Variants in PML observed in about 807,000 individuals in gnomAD.
PML encodes the protein protein PML.
Under a neutral mutation model 65.2 loss-of-function variants are expected in PML, and 28 were observed. The observed-to-expected ratio is 0.43, with a 90% CI of 0.32 to 0.59. PML has a LOEUF of 0.59. PML is among the 20% of genes least tolerant of loss of function. PML has a pLI of 0.08. For synonymous variants in PML, 500 were observed against 508.8 expected (o/e 0.98, Z 0.23); for missense variants, 1,021 against 1,203.4 (o/e 0.85, Z 2.24).
chr15:74,030,283 G>T (rs756957672), intron 4 of PML, among the ~76,000 whole-genome samples: 1 of 152,218 alleles, frequency 6.6e-6, no homozygotes, highest in Non-Finnish European at 1.5e-5. Flanking sequence ...AGATGGTGGG[G>T]AGGGACATAA....
At chr15:74,011,419 G>T (rs1254348281) in intron 2 of PML, among the ~76,000 whole-genome samples, 1 of 152,158 alleles carries the variant, frequency 6.6e-6, no homozygotes, top group Non-Finnish European at 1.5e-5. Context: ...GAAGAAAGAA[G>T]AATGTGCCTT....
At chr15:74,028,547 T>G (rs8027327) in intron 4 of PML, 81,226 of 152,016 alleles carry the variant, frequency 0.53, 22,223 homozygotes, top group East Asian at 0.63. Flanking sequence ...AAGTGTACAG[T>G]TCTTTAGCAT....
intron 2 of PML, among the ~76,000 whole-genome samples, chr15:74,000,517 A>G (rs1267374917): frequency 6.6e-6 from 1 of 152,014 alleles, no homozygotes; most frequent in Non-Finnish European, 1.5e-5. Flanking sequence ...CATTGCCCAG[A>G]CTGGTCTTGA....
rs555675611 is a variant in PML, at chr15:74,037,175, C to T, written c.1710+2645C>T. On this transcript the variant is annotated intron_variant, in intron 7 of 8. Transcript: ENST00000268058. This position sits in a 1 kb window ranked among gnomAD's most constrained non-coding sequence, Gnocchi z 4.2. ...TCCTTTTGCTCTGCAGGGCAGCCCC[C>T]GCCTGCCTTTCTTCACTGGGCCCTT... 4.3e-5 allele frequency: 42 copies of T among 985,438 alleles called. No homozygotes were observed. The highest frequency in any genetic ancestry group is 6.1e-5 in the Admixed American group (1 of 16,284). The allele number at this position is 985,438 out of a possible 1,614,324, so 61.0% of individuals were successfully genotyped here.
intron 7 of PML, among the ~76,000 whole-genome samples, chr15:74,040,587 G>A (rs1056860043): frequency 6.6e-6 from 1 of 152,240 alleles, no homozygotes; most frequent in Non-Finnish European, 1.5e-5. Context: ...GAGTCTTTCA[G>A]AAAGTCTTGT....
rs1015377191 is a variant in PML, at chr15:74,037,862, A to T, written c.1710+3332A>T. On this transcript the variant is annotated intron_variant, in intron 7 of 8. Coordinates refer to ENST00000268058, the MANE Select transcript of PML (RefSeq NM_033238.3). This position sits in a 1 kb window ranked among gnomAD's most constrained non-coding sequence, Gnocchi z 4.2. ...CTCAGCCACGCCCCTGACTTCAGTT[A>T]CTGCCCAGGGGTAGCTGATACCCAA... The T allele has an allele frequency of 2.4e-5, 7 of 295,608 alleles. No homozygotes were observed. The highest frequency in any genetic ancestry group is 1.4e-4 in the African/African-American group (6 of 43,898). 18.3% of individuals were successfully genotyped at this position (295,608 alleles called of 1,614,324 possible). A position where few individuals can be genotyped will look rare whatever the true frequency, so the allele number is the denominator to read the frequency against.
chr15:74,043,781 C>T lies in PML; in HGVS notation c.1862-440C>T. 1 of 533,024 alleles carries T rather than the reference C, an allele frequency of 1.9e-6. No homozygotes were observed. Among genetic ancestry groups the T allele is most frequent in the Admixed American group, 1.9e-5 (1 of 51,818 alleles). The allele number at this position is 533,024 out of a possible 1,614,324, so 33.0% of individuals were successfully genotyped here. A position where few individuals can be genotyped will look rare whatever the true frequency, so the allele number is the denominator to read the frequency against. The stretch of plus-strand genomic sequence containing the variant: ...CCTCAGTGGGAGGCTCTTGGCCTTG[C>T]TCTGAGTGGAGTGCTTTCTATGTCC... On this transcript the variant is annotated intron_variant, in intron 8 of 8. Transcript: ENST00000268058. This position sits in a 1 kb window ranked among gnomAD's most constrained non-coding sequence, Gnocchi z 4.3.
chr15:74,022,244 A>G (rs2070871602), intron 2 of PML, among the ~76,000 whole-genome samples: 1 of 152,108 alleles, frequency 6.6e-6, no homozygotes, highest in African/African-American at 2.4e-5. Flanking sequence ...GGCGTGAGCC[A>G]CCGCGCCCGG....
intron 2 of PML, 94 bp downstream of exon 2, chr15:73,998,570 A>G: frequency 8.9e-7 from 1 of 1,124,236 alleles, no homozygotes; most frequent in East Asian, 2.5e-5. Flanking sequence ...GCTGAGGACA[A>G]GGAGCTTCTG....
rs1329212926 is a variant in PML at position 74,044,867 on chromosome 15, T to A, written c.2508T>A (p.Pro836=). 6.2e-7 allele frequency: 1 copy of A among 1,613,534 alleles called. No individual in the cohort carries two copies. Among genetic ancestry groups the A allele is most frequent in the Non-Finnish European group, 8.5e-7 (1 of 1,180,022 alleles). Residue 836 remains proline, a synonymous_variant, in exon 9 of 9, where the codon CCT becomes CCA. Transcript: ENST00000268058. ...GCCTGCAGACCACCACGTTGCCCCC[T>A]GCCCAGCCTGCTTTCAACCTGCAGG... ...YLSLQTTTLP[P]AQPAFNLQAL... is the part of the protein sequence containing the mutation.
intron 4 of PML, among the ~76,000 whole-genome samples, chr15:74,030,624 C>T (rs2141861364): frequency 6.6e-6 from 1 of 151,976 alleles, no homozygotes; most frequent in East Asian, 1.9e-4. Context: ...ACTCCATCTC[C>T]TGGGCAACAG....
intron 4 of PML, chr15:74,027,378 C>G (rs546568799): frequency 6.6e-6 from 1 of 151,778 alleles, no homozygotes; most frequent in South Asian, 2.1e-4. Flanking sequence ...ATGGTGAGAC[C>G]CTGTTTCTAC....
Position 73,994,790 on chromosome 15 carries a change from G to C in PML, c.-23G>C. ...TCACGCACTCCAAGATCTAAACCGAGAATCGAAACTAAGCTGGGGTCCATG... is the reference window on the plus strand; with the variant it reads ...TCACGCACTCCAAGATCTAAACCGACAATCGAAACTAAGCTGGGGTCCATG... On this transcript the variant is annotated 5_prime_UTR_variant, in exon 1 of 9. Transcript: ENST00000268058. 3 of 1,551,332 alleles carry C rather than the reference G, an allele frequency of 1.9e-6. No homozygotes were observed. The highest frequency in any genetic ancestry group is 2.6e-6 in the Non-Finnish European group (3 of 1,147,182).
At chr15:74,034,446 G>A (rs1215487218) in intron 6 of PML, 32 bp from the exon 7 acceptor site, 2 of 1,614,172 alleles carry the variant, frequency 1.2e-6, no homozygotes, top group Admixed American at 1.7e-5. Flanking sequence ...ATCCTAGGCA[G>A]TTCATAATGC....
rs374210403 is a variant in PML at position 74,044,734 on chromosome 15, G to C, written c.2375G>C (p.Arg792Pro). 1 of 1,610,562 alleles carries C rather than the reference G, an allele frequency of 6.2e-7. No individual in the cohort carries two copies. The highest frequency in any genetic ancestry group is 1.7e-5 in the Admixed American group (1 of 60,020). The change falls in exon 9 of 9, where the codon CGG (arginine) becomes CCG (proline). Residue 792 changes from arginine to proline, a missense_variant. Arg to Pro is a moderately radical substitution (Grantham distance 103). Coordinates refer to ENST00000268058, the MANE Select transcript of PML (RefSeq NM_033238.3). The part of the protein sequence containing the change: ...QPLVQAAVLP[R>P]AEARLLALHN... Reference sequence around the variant, plus strand: ...CTGGTGCAGGCAGCTGTGCTGCCCCGGGCTGAGGCCCGCCTCCTGGCCCTA... The same window carrying C: ...CTGGTGCAGGCAGCTGTGCTGCCCCCGGCTGAGGCCCGCCTCCTGGCCCTA...
Position 74,043,302 on chromosome 15 carries a change from G to A in PML, c.1861+163G>A, listed in dbSNP as rs920993749. ...ACTCCGGCTCACCTGGGCTCCTGGC[G>A]TGTCATTTGCTGGCTTGAATAAAGA... On this transcript the variant is annotated intron_variant, in intron 8 of 8. Transcript: ENST00000268058. This position sits in a 1 kb window ranked among gnomAD's most constrained non-coding sequence, Gnocchi z 4.3. The A allele has an allele frequency of 5.5e-5, 83 of 1,497,898 alleles. No individual in the cohort carries two copies. The highest frequency in any genetic ancestry group is 4.4e-4 in the Admixed American group (19 of 42,762). The allele number at this position is 1,497,898 out of a possible 1,614,324, so 92.8% of individuals were successfully genotyped here.
rs759404689 is a variant in PML, at chr15:74,032,671, G to A, written c.1354G>A (p.Val452Met). The A allele has an allele frequency of 3.2e-5, 51 of 1,614,090 alleles. No homozygotes were observed. The highest frequency in any genetic ancestry group is 1.6e-4 in the Middle Eastern group (1 of 6,084). Residue 452 changes from valine to methionine, a missense_variant, in exon 5 of 9, where the codon GTG (valine) becomes ATG (methionine). Transcript: ENST00000268058. Reference sequence around the variant, plus strand: ...ACAGTCAGTGCCCGGGGCACACCCCGTGCCAGTGTACGCCTTCTCCATCAA... The same window carrying A: ...ACAGTCAGTGCCCGGGGCACACCCCATGCCAGTGTACGCCTTCTCCATCAA... ...VVQSVPGAHPVPVYAFSIKGP... is the reference protein window; with the variant it reads ...VVQSVPGAHPMPVYAFSIKGP...
Position 74,043,025 on chromosome 15 carries a change from A to G in PML, c.1747A>G (p.Ser583Gly), listed in dbSNP as rs1257908951. 5 of 1,613,494 alleles carry G rather than the reference A, an allele frequency of 3.1e-6. No homozygotes were observed. The African/African-American group carries it at 6.7e-5, about 22-fold the overall frequency. ...RELDDSSSES[S>G]DLQLEGPSTL... is the part of the protein sequence containing the mutation. Reference sequence around the variant, plus strand: ...GCTGGATGACAGCAGCAGTGAGTCCAGTGACCTCCAGCTGGAAGGCCCCAG... The same window carrying G: ...GCTGGATGACAGCAGCAGTGAGTCCGGTGACCTCCAGCTGGAAGGCCCCAG... The change falls in exon 8 of 9, where the codon AGT becomes GGT. Residue 583 changes from serine (S) to glycine (G), a missense_variant. Ser to Gly is a moderately conservative substitution (Grantham distance 56). Transcript: ENST00000268058. This position sits in a 1 kb window ranked among gnomAD's most constrained non-coding sequence, Gnocchi z 4.3.
At position 74,042,960 on chromosome 15, in the gene PML, C is replaced by T; in HGVS notation, c.1711-29C>T. The stretch of plus-strand genomic sequence containing the variant: ...AGGTGCTTGCCTTGGCCCTCTGAAT[C>T]CCTGACGCTTGGTTTTTCTGTGTTG... On this transcript the variant is annotated intron_variant, in intron 7 of 8. Transcript: ENST00000268058. This position sits in a 1 kb window ranked among gnomAD's most constrained non-coding sequence, Gnocchi z 5.3. 1 of 1,613,142 alleles carries T rather than the reference C, an allele frequency of 6.2e-7. No homozygotes were observed. Among genetic ancestry groups the T allele is most frequent in the Non-Finnish European group, 8.5e-7 (1 of 1,179,974 alleles).
Sources: allele counts gnomAD v4.1 joint callset (sites outside exome capture counted in the v4.1 genomes callset), GRCh38; gene constraint gnomAD v4.1.1; non-coding constraint Gnocchi (gnomAD v3.1); transcripts MANE v1.5; gene names NCBI Gene and HGNC (gene_info 2026-07-23, HGNC 2026-07-21).